PDCD11: variants seen among roughly 807,000 people sequenced by gnomAD.
PDCD11 encodes protein RRP5 homolog.
PDCD11 carries 97 observed loss-of-function variants against 198.9 expected under a neutral mutation model. The observed-to-expected ratio is 0.49, with a 90% confidence interval of 0.41 to 0.58. The LOEUF (loss-of-function observed/expected upper bound fraction) is 0.58, where lower values mean the gene tolerates loss of function less well. PDCD11 is among the 20% of genes least tolerant of loss of function. The probability of loss-of-function intolerance (pLI) is 0.00; values close to 1 mark genes in which losing one functional copy is unlikely to be tolerated. For missense variants in PDCD11, 2,102 were observed against 2,312.7 expected (o/e 0.91, Z 1.87); for synonymous variants, 893 against 918.0 (o/e 0.97, Z 0.49).
chr10:103,401,975 C>G (rs539889462), intron 3 of PDCD11, among the ~76,000 whole-genome samples: 44 of 152,260 alleles, frequency 2.9e-4, no homozygotes, highest in African/African-American at 1.1e-3. Flanking sequence ...ATATCCTGAC[C>G]TTGTAATCTG....
chr10:103,410,692 T>C (rs1469221470), intron 8 of PDCD11, among the ~76,000 whole-genome samples: 1 of 151,368 alleles, frequency 6.6e-6, no homozygotes, highest in East Asian at 1.9e-4. Context: ...CACTGCAGCT[T>C]CAATCTCCTG....
At chr10:103,439,486 G>T (rs984438114) in intron 27 of PDCD11, among the ~76,000 whole-genome samples, 1 of 152,160 alleles carries the variant, frequency 6.6e-6, no homozygotes, top group Non-Finnish European at 1.5e-5. Context: ...TGCTGTTTCT[G>T]CAGTTTCTCC....
Position 103,400,656 on chromosome 10 carries a change from C to CGT in PDCD11, c.234+137_234+138dup, listed in dbSNP as rs764327207. 9.4e-5 allele frequency: 87 copies of CGT among 925,452 alleles called. No homozygotes were observed. In the East Asian group the frequency reaches 1.3e-3, roughly 14 times the overall value. The allele number at this position is 925,452 out of a possible 1,614,324, so 57.3% of individuals were successfully genotyped here. On this transcript the variant is annotated intron_variant, in intron 3 of 35. Transcript: ENST00000369797. ...TCCCCTTAATATATTATATTTCATGCGTGTGTGTGTAGAGATGCTTGGAAT... is the reference window on the plus strand; with the variant it reads ...TCCCCTTAATATATTATATTTCATGCGTGTGTGTGTGTAGAGATGCTTGGAAT...
chr10:103,396,785 C>G (rs2093438384), intron 1 of PDCD11, 55 bp downstream of exon 1: 1 of 152,288 alleles, frequency 6.6e-6, no homozygotes, highest in Admixed American at 6.6e-5. Flanking sequence ...CAGGTCTGTC[C>G]CAGGCCTGGT....
rs1450492776 is a variant in PDCD11 at position 103,421,546 on chromosome 10, C to T, written c.2476C>T (p.Arg826Cys). The T allele has an allele frequency of 2.6e-6, 4 of 1,564,344 alleles. No homozygotes were observed. The highest frequency in any genetic ancestry group is 2.6e-6 in the Non-Finnish European group (3 of 1,153,946). The change falls in exon 17 of 36, where the codon CGC becomes TGC. Residue 826 changes from arginine to cysteine, a missense_variant. Transcript: ENST00000369797. ...NQCLEELQGV[R>C]SLMSNRDSVL... ...GTGCCTGGAGGAGCTGCAGGGCGTG[C>T]GCAGCCTTATGAGCAACCGAGGTGG...
rs1259128176 is a variant in PDCD11 at position 103,414,250 on chromosome 10, G to A, written c.1311-20G>A. On this transcript the variant is annotated intron_variant, in intron 10 of 35. Transcript: ENST00000369797. ...CCTCTGCCCTAGTTTATTTAATTCTGTGTTTTCTCCTTGTCCTAGGTCTAT... is the reference window on the plus strand; with the variant it reads ...CCTCTGCCCTAGTTTATTTAATTCTATGTTTTCTCCTTGTCCTAGGTCTAT... 1 of 1,610,634 alleles carries A rather than the reference G, an allele frequency of 6.2e-7. No homozygotes were observed. Among genetic ancestry groups the A allele is most frequent in the Non-Finnish European group, 8.5e-7 (1 of 1,177,258 alleles).
rs2031638810 is a variant in PDCD11 at position 103,425,277 on chromosome 10, G to A, written c.3057G>A (p.Val1019=). 6.2e-7 allele frequency: 1 copy of A among 1,614,016 alleles called. No homozygotes were observed. The highest frequency in any genetic ancestry group is 8.5e-7 in the Non-Finnish European group (1 of 1,180,034). The change falls in exon 20 of 36, where the codon GTG becomes GTA. Residue 1019 remains valine, a synonymous_variant. Coordinates refer to ENST00000369797, the MANE Select transcript of PDCD11 (RefSeq NM_014976.2). ...DSETVDEDEE[V]DPALTVGTIK... ...AGACAGTTGATGAGGATGAAGAAGT[G>A]GATCCAGCTCTGACTGTAGGGACCA...
chr10:103,417,716 A>C lies in PDCD11; in HGVS notation c.1771-76A>C, dbSNP rs1166666429. 4 of 1,471,140 alleles carry C rather than the reference A, an allele frequency of 2.7e-6. No homozygotes were observed. The African/African-American group carries it at 4.2e-5, about 16-fold the overall frequency. 91.1% of individuals were successfully genotyped at this position (1,471,140 alleles called of 1,614,324 possible). On this transcript the variant is annotated intron_variant, in intron 13 of 35. Transcript: ENST00000369797. ...GTAGATCTCCCAAGTCCTCTGCAGC[A>C]GTAGTGGAGGGCACGTTGCAGGGCC...
intron 19 of PDCD11, 50 bp downstream of exon 19, chr10:103,423,708 T>G: frequency 8.4e-7 from 1 of 1,191,758 alleles, no homozygotes; most frequent in Middle Eastern, 1.9e-4. Context: ...GATGTACCCT[T>G]CAACCCCACT....
At chr10:103,400,569 T>C (rs1362860307) in intron 3 of PDCD11, 41 bp downstream of exon 3, 1 of 1,582,880 alleles carries the variant, frequency 6.3e-7, no homozygotes, top group African/African-American at 1.4e-5. Context: ...TCGACCTTGG[T>C]TGCTTAAGTT....
chr10:103,427,315 A>G lies in PDCD11; in HGVS notation c.3306-14A>G, dbSNP rs372493919. On this transcript the variant is annotated splice_polypyrimidine_tract_variant and intron_variant, in intron 20 of 35. Coordinates refer to ENST00000369797, the MANE Select transcript of PDCD11 (RefSeq NM_014976.2). The stretch of plus-strand genomic sequence containing the variant: ...GAGATGAAGAGAAATGATTCAGCTT[A>G]TTTGTTTCTCCAGGTATCTCCCAAT... 1.9e-6 allele frequency: 3 copies of G among 1,608,652 alleles called. No individual in the cohort carries two copies. The highest frequency in any genetic ancestry group is 1.7e-5 in the Admixed American group (1 of 59,946).
At chr10:103,402,933 C>G (rs993553853) in intron 3 of PDCD11, among the ~76,000 whole-genome samples, 185 bp from the exon 4 acceptor site, 1 of 152,154 alleles carries the variant, frequency 6.6e-6, no homozygotes, top group Non-Finnish European at 1.5e-5. Flanking sequence ...GTTGCCCAGG[C>G]TGGTCTGAAA....
At position 103,429,249 on chromosome 10, in the gene PDCD11, C is replaced by T. The variant is rs949196217; in HGVS notation, c.3368+1858C>T. ...GACAAGGCCATTCAGGAGTCTTAAA[C>T]GGTGTCTCTGGCATTCCTGTTAGCC... On this transcript the variant is annotated intron_variant, in intron 21 of 35. Coordinates refer to ENST00000369797, the MANE Select transcript of PDCD11 (RefSeq NM_014976.2). 3.3e-5 allele frequency among the ~76,000 whole-genome samples: 5 copies of T among 152,136 alleles called. No homozygotes were observed. In the East Asian group the frequency reaches 5.8e-4, roughly 18 times the overall value.
rs2030906434 is a variant in PDCD11, at chr10:103,413,205, C to T, written c.1068C>T (p.Leu356=). Residue 356 remains leucine (L), a synonymous_variant, in exon 9 of 36, where the codon CTC becomes CTT. Coordinates refer to ENST00000369797, the MANE Select transcript of PDCD11 (RefSeq NM_014976.2). ...RPIFLQPGRP[L]TRLSCQNLGA... ...TCTTCCTACAGCCTGGACGCCCACT[C>T]ACCCGACTCTCTTGCCAGAACCTTG... 36 of 1,614,178 alleles carry T rather than the reference C, an allele frequency of 2.2e-5. No homozygotes were observed. Among genetic ancestry groups the T allele is most frequent in the Non-Finnish European group, 3.1e-5 (36 of 1,180,018 alleles).
rs145722717 is a variant in PDCD11, at chr10:103,418,494, C to T, written c.1966C>T (p.Leu656=). 1.4e-4 allele frequency: 227 copies of T among 1,614,192 alleles called. 1 individual carries two copies. The African/African-American group carries it at 2.5e-3, about 18-fold the overall frequency. The change falls in exon 15 of 36, where the codon CTG becomes TTG. Residue 656 remains leucine (L), a synonymous_variant. Coordinates refer to ENST00000369797, the MANE Select transcript of PDCD11 (RefSeq NM_014976.2). ...CAAAGATGGGCTGGAGGTGGCTGTCCTGCCCCACAACATCCGTGCTTTCCT... is the reference window on the plus strand; with the variant it reads ...CAAAGATGGGCTGGAGGTGGCTGTCTTGCCCCACAACATCCGTGCTTTCCT... ...KTKDGLEVAV[L]PHNIRAFLPT...
rs1355733243 is a variant in PDCD11, at chr10:103,419,769, G to A, written c.2277+61G>A. The stretch of plus-strand genomic sequence containing the variant: ...AGATACAAGGTCACAGAACCTGAGG[G>A]CGGGTAGGGAGGAGTAGGATACTTT... On this transcript the variant is annotated intron_variant, in intron 16 of 35. Coordinates refer to ENST00000369797, the MANE Select transcript of PDCD11 (RefSeq NM_014976.2). 3.4e-6 allele frequency: 5 copies of A among 1,489,366 alleles called. No individual in the cohort carries two copies. In the Admixed American group the frequency reaches 5.5e-5, roughly 16 times the overall value. 92.3% of individuals were successfully genotyped at this position (1,489,366 alleles called of 1,614,324 possible).
Position 103,415,126 on chromosome 10 carries a change from A to G in PDCD11, c.1493A>G (p.His498Arg), listed in dbSNP as rs1473795147. The G allele has an allele frequency of 6.2e-7, 1 of 1,613,928 alleles. No individual in the cohort carries two copies. Among genetic ancestry groups the G allele is most frequent in the African/African-American group, 1.3e-5 (1 of 74,904 alleles). Residue 498 changes from histidine to arginine, a missense_variant, in exon 12 of 36, where the codon CAC becomes CGC. Transcript: ENST00000369797. ...ATGAAGAATCCGGAGAAGAAGTACC[A>G]CATCGGGGATGAGGTCAAGTGCCGG... ...ILMKNPEKKY[H>R]IGDEVKCRVL... is the part of the protein sequence containing the mutation.
intron 16 of PDCD11, among the ~76,000 whole-genome samples, 159 bp from the exon 17 acceptor site, chr10:103,421,189 T>A (rs77887286): frequency 6.6e-6 from 1 of 152,194 alleles, no homozygotes; most frequent in Non-Finnish European, 1.5e-5. Flanking sequence ...GGAGGCTCTG[T>A]TTTTATGGAA....
At chr10:103,409,637 T>C in intron 7 of PDCD11, 62 bp from the exon 8 acceptor site, 1 of 1,085,884 alleles carries the variant, frequency 9.2e-7, no homozygotes, top group South Asian at 1.3e-5. Context: ...CTGTGAGCAA[T>C]GTCTCACATT....
Sources: gnomAD v4.1 joint callset for allele counts (sites outside exome capture counted in the v4.1 genomes callset) on GRCh38, gnomAD v4.1.1 for gene constraint, MANE v1.5 for transcripts, NCBI Gene and HGNC (gene_info 2026-07-23, HGNC 2026-07-21) for gene names.